The following XPNPEP1 variants were observed in gnomAD, a reference collection of about 807,000 sequenced individuals.
XPNPEP1 encodes the protein X-prolyl aminopeptidase 1.
A neutral mutation model predicts 92.4 loss-of-function variants in XPNPEP1; 39 were observed. The observed-to-expected ratio is 0.42, with a 90% confidence interval of 0.33 to 0.55. The LOEUF is 0.55. Ranked by LOEUF, XPNPEP1 falls within the 20% of genes least tolerant of loss-of-function variation. XPNPEP1 has a pLI of 0.08. For synonymous variants in XPNPEP1, 307 were observed against 299.4 expected, an observed-to-expected ratio of 1.03 and a Z score of -0.26; for missense variants, 654 against 856.1, an observed-to-expected ratio of 0.76 and a Z score of 2.95.
intron 19 of XPNPEP1, among the ~76,000 whole-genome samples, 173 bp from the exon 20 acceptor site, chr10:109,868,885 A>G (rs766442502): frequency 3.3e-5 from 5 of 152,194 alleles, no homozygotes; most frequent in South Asian, 2.1e-4. Flanking sequence ...GCCATTTTCC[A>G]AGAGCTCCTC....
intron 1 of XPNPEP1, among the ~76,000 whole-genome samples, chr10:109,921,522 C>CCCCCA (rs1215169457): frequency 6.6e-6 from 1 of 152,226 alleles, no homozygotes; most frequent in African/African-American, 2.4e-5. Flanking sequence ...CCCCCTGCAA[C>CCCCCA]CCCCAGTTCA....
chr10:109,915,016 T>C lies in XPNPEP1; in HGVS notation c.116A>G (p.Glu39Gly). 1 of 1,523,430 alleles carries C rather than the reference T, an allele frequency of 6.6e-7. No individual in the cohort carries two copies. Among genetic ancestry groups the C allele is most frequent in the Non-Finnish European group, 8.8e-7 (1 of 1,139,104 alleles). The allele number at this position is 1,523,430 out of a possible 1,614,324, so 94.4% of individuals were successfully genotyped here. A position where few individuals can be genotyped will look rare whatever the true frequency, so the allele number is the denominator to read the frequency against. ...EVTHSGDTGV[E>G]TDGRMPPKVT... is the part of the protein sequence containing the mutation. ...TTTCCAGACAAAATTATTACCTGTTTCCACACCTGTGTCTCCTGAGTGTGT... is the reference window on the plus strand; with the variant it reads ...TTTCCAGACAAAATTATTACCTGTTCCCACACCTGTGTCTCCTGAGTGTGT... The change falls in exon 2 of 21, where the codon GAA becomes GGA. Residue 39 changes from glutamate to glycine, a missense_variant. By Grantham distance (98) the Glu-to-Gly change is moderately conservative. Coordinates refer to ENST00000502935, the MANE Select transcript of XPNPEP1 (RefSeq NM_020383.4).
At chr10:109,922,041 G>A (rs1850571570) in intron 1 of XPNPEP1, among the ~76,000 whole-genome samples, 1 of 152,212 alleles carries the variant, frequency 6.6e-6, no homozygotes, top group South Asian at 2.1e-4. Context: ...CAATGTTGGT[G>A]GTGCTCCCGG....
rs1848535525 is a variant in XPNPEP1, at chr10:109,888,626, T to C, written c.416-31A>G. ...GGGGGAAGAAATGATAAGAAACAAT[T>C]CCCAGTGGGCCCACGCTCATTATCC... On this transcript the variant is annotated intron_variant, in intron 5 of 20. Coordinates refer to ENST00000502935, the MANE Select transcript of XPNPEP1 (RefSeq NM_020383.4). The C allele has an allele frequency of 2.6e-6, 4 of 1,546,242 alleles. No individual in the cohort carries two copies. The African/African-American group carries it at 4.1e-5, about 16-fold the overall frequency.
chr10:109,909,939 C>T (rs1849771738), intron 2 of XPNPEP1, among the ~76,000 whole-genome samples: 2 of 152,220 alleles, frequency 1.3e-5, no homozygotes. Context: ...AATGGATTAA[C>T]TTACATTAAC....
chr10:109,912,525 A>G (rs1042140158), intron 2 of XPNPEP1, among the ~76,000 whole-genome samples: 1 of 152,234 alleles, frequency 6.6e-6, no homozygotes, highest in East Asian at 1.9e-4. Flanking sequence ...GGAGCTAAGG[A>G]GAGAACAAAG....
chr10:109,903,910 T>C (rs1226337552), intron 3 of XPNPEP1, among the ~76,000 whole-genome samples: 1 of 150,174 alleles, frequency 6.7e-6, no homozygotes, highest in Non-Finnish European at 1.5e-5. Context: ...AGTGGCGCAA[T>C]CTCAGCTCAC....
intron 2 of XPNPEP1, among the ~76,000 whole-genome samples, chr10:109,911,312 T>TG (rs1849857611): frequency 6.6e-6 from 1 of 152,200 alleles, no homozygotes; most frequent in Non-Finnish European, 1.5e-5. Flanking sequence ...AGACGGGGTC[T>TG]TACTACATTG....
intron 7 of XPNPEP1, 141 bp downstream of exon 7, chr10:109,887,908 A>G (rs1166364477): frequency 1.7e-6 from 2 of 1,188,004 alleles, no homozygotes; most frequent in African/African-American, 3.1e-5. Context: ...GCTTCTTCAA[A>G]TATCCCACTG....
At chr10:109,912,975 T>C (rs1256547589) in intron 2 of XPNPEP1, among the ~76,000 whole-genome samples, 1 of 152,234 alleles carries the variant, frequency 6.6e-6, no homozygotes, top group Non-Finnish European at 1.5e-5. Context: ...TATTATGACA[T>C]CTGCTCATTC....
In XPNPEP1 at chr10:109,878,070, T is replaced by C. The variant is rs779157330; in HGVS notation, c.1183-12A>G. On this transcript the variant is annotated splice_polypyrimidine_tract_variant and intron_variant, in intron 12 of 20. Transcript: ENST00000502935. ...CCACCTTTGGGAACCTATGAGAAAA[T>C]TGCTTATAAATCATCTGGTGAGATA... is the stretch of plus-strand genomic sequence containing the variant. The C allele has an allele frequency of 2.0e-5, 33 of 1,614,056 alleles. 1 individual carries two copies. Among genetic ancestry groups the C allele is most frequent in the Middle Eastern group, 3.3e-4 (2 of 6,084 alleles).
At chr10:109,918,893 AAGGAAGGAAGGAAGGAAGGAAG>A (rs1333687475) in intron 1 of XPNPEP1, among the ~76,000 whole-genome samples, 4 of 145,442 alleles carry the variant, frequency 2.8e-5, no homozygotes, top group East Asian at 2.0e-4. Context: ...GGAAGGAAGG[AAGGAAGGAAGGAAGGAAGGAAG>A]GAGAGAGAGA....
chr10:109,884,332 C>T (rs1589573518), intron 8 of XPNPEP1, 184 bp from the exon 9 acceptor site: 2 of 588,074 alleles, frequency 3.4e-6, no homozygotes, highest in Non-Finnish European at 6.0e-6. Context: ...TTGCTCATGT[C>T]CACCACGTGA....
At chr10:109,889,019 T>C (rs1025177618) in intron 5 of XPNPEP1, among the ~76,000 whole-genome samples, 10 of 152,176 alleles carry the variant, frequency 6.6e-5, no homozygotes, top group African/African-American at 1.9e-4. Context: ...ACATATCACA[T>C]ACCAGGTAAG....
chr10:109,895,682 T>C (rs1164231026), intron 3 of XPNPEP1, among the ~76,000 whole-genome samples: 2 of 152,244 alleles, frequency 1.3e-5, no homozygotes. Context: ...GAACACAGCA[T>C]AGGGCCTAAA....
chr10:109,914,921 T>C (rs2133563317), intron 2 of XPNPEP1, 90 bp downstream of exon 2: 2 of 710,556 alleles, frequency 2.8e-6, no homozygotes, highest in Non-Finnish European at 4.3e-6. Flanking sequence ...ACTAATTCCT[T>C]ACCCTCTTCT....
At position 109,923,464 on chromosome 10, in the gene XPNPEP1, G is replaced by A. The variant is rs1240880591; in HGVS notation, c.-31C>T. ...GGTGACGTGCCCCAGCCCACGTCAG[G>A]GGAGCGCAGACCAGCTGATCACCCG... On this transcript the variant is annotated 5_prime_UTR_variant, in exon 1 of 21. Transcript: ENST00000502935. 14 of 1,406,196 alleles carry A rather than the reference G, an allele frequency of 1.0e-5. No individual in the cohort carries two copies. The highest frequency in any genetic ancestry group is 4.5e-5 in the African/African-American group (3 of 66,602). 87.1% of individuals were successfully genotyped at this position (1,406,196 alleles called of 1,614,324 possible). A position where few individuals can be genotyped will look rare whatever the true frequency, so the allele number is the denominator to read the frequency against.
chr10:109,902,708 A>G (rs184411859), intron 3 of XPNPEP1, among the ~76,000 whole-genome samples: 44 of 152,382 alleles, frequency 2.9e-4, no homozygotes, highest in Admixed American at 1.8e-3. Flanking sequence ...TGTGAAGTCT[A>G]AACAGTGACT....
intron 1 of XPNPEP1, 21 bp from the exon 2 acceptor site, chr10:109,915,120 G>C: frequency 6.8e-7 from 1 of 1,461,174 alleles, no homozygotes; most frequent in African/African-American, 1.4e-5. Context: ...GAAAGAACAG[G>C]AAGTTGCAGA....
Sources: allele counts gnomAD v4.1 joint callset (sites outside exome capture counted in the v4.1 genomes callset), GRCh38; gene constraint gnomAD v4.1.1; transcripts MANE v1.5; gene names NCBI Gene and HGNC (gene_info 2026-07-23, HGNC 2026-07-21).